The following RPGRIP1 variants were observed in gnomAD, a reference collection of about 807,000 sequenced individuals.
RPGRIP1 encodes the protein X-linked retinitis pigmentosa GTPase regulator-interacting protein 1.
In RPGRIP1, 128 loss-of-function variants were observed where a neutral mutation model predicts 157.9. That is an observed-to-expected ratio of 0.81 (90% CI 0.70 to 0.94). The LOEUF is 0.94. Among genes scored for constraint, RPGRIP1 ranks in the 40% least tolerant of loss-of-function variants. The pLI is 0.00. For synonymous variants in RPGRIP1, 554 were observed against 571.6 expected (o/e 0.97, Z 0.44); for missense variants, 1,486 against 1,545.8 (o/e 0.96, Z 0.65).
intron 24 of RPGRIP1, among the ~76,000 whole-genome samples, chr14:21,349,708 A>C (rs1359263441): frequency 6.6e-6 from 1 of 152,040 alleles, no homozygotes; most frequent in Non-Finnish European, 1.5e-5. Flanking sequence ...CCAGCCATAT[A>C]ATTTCTAAAC....
At position 21,348,169 on chromosome 14, in the gene RPGRIP1, T is replaced by C; in HGVS notation, c.3618-3T>C. ...TGCTGAATTAAATGCAATTTCTTTT[T>C]AGTTTAAAGTTTACAGTGGTAAGTG... On this transcript the variant is annotated splice_region_variant and splice_polypyrimidine_tract_variant and intron_variant, in intron 23 of 24. Transcript: ENST00000400017. 1 of 1,564,862 alleles carries C rather than the reference T, an allele frequency of 6.4e-7. No homozygotes were observed. The highest frequency in any genetic ancestry group is 1.4e-5 in the African/African-American group (1 of 73,188).
At chr14:21,350,957 T>C (rs770129697) in intron 24 of RPGRIP1, 147 bp from the exon 25 acceptor site, 1 of 574,250 alleles carries the variant, frequency 1.7e-6, no homozygotes, top group Admixed American at 3.1e-5. Context: ...CTATACACTA[T>C]ACCATTTTCC....
Position 21,315,785 on chromosome 14 carries a change from G to GTTATTA in RPGRIP1, c.1152-1893_1152-1888dup, listed in dbSNP as rs201944500. Among the ~76,000 whole-genome samples, 9 of 150,350 alleles carry GTTATTA rather than the reference G, an allele frequency of 6.0e-5. No homozygotes were observed. In the East Asian group the frequency reaches 1.6e-3, roughly 26 times the overall value. On this transcript the variant is annotated intron_variant, in intron 10 of 24. Transcript: ENST00000400017. ...GAAATGTTAATACTTGCCTAAGTAG[G>GTTATTA]TTATTATTATTATTATTATTATTTT...
chr14:21,316,946 C>G (rs1056804060), intron 10 of RPGRIP1, among the ~76,000 whole-genome samples: 1 of 151,620 alleles, frequency 6.6e-6, no homozygotes, highest in Non-Finnish European at 1.5e-5. Flanking sequence ...ATTGTAAAAC[C>G]CCGTCTCTAT....
At chr14:21,305,415 G>C (rs896112296) in intron 6 of RPGRIP1, among the ~76,000 whole-genome samples, 2 of 152,178 alleles carry the variant, frequency 1.3e-5, no homozygotes, top group Non-Finnish European at 2.9e-5. Flanking sequence ...AATAACATTC[G>C]ATTGTCTACA....
intron 1 of RPGRIP1, among the ~76,000 whole-genome samples, chr14:21,283,101 C>T (rs937785190): frequency 4.6e-5 from 7 of 152,156 alleles, no homozygotes; most frequent in Non-Finnish European, 8.8e-5. Context: ...ATTGGTGGTG[C>T]GTCAATGTGC....
chr14:21,337,940 C>T (rs1884557623), intron 21 of RPGRIP1, among the ~76,000 whole-genome samples: 1 of 149,542 alleles, frequency 6.7e-6, no homozygotes, highest in Admixed American at 6.7e-5. Context: ...GTTTTGAGAC[C>T]TAGTCTTGCT....
At chr14:21,343,755 G>T (rs1885258412) in intron 22 of RPGRIP1, among the ~76,000 whole-genome samples, 1 of 151,680 alleles carries the variant, frequency 6.6e-6, no homozygotes. Flanking sequence ...GCCTCCCAAA[G>T]TGCTGGGATT....
Position 21,317,752 on chromosome 14 carries a change from C to T in RPGRIP1, c.1208C>T (p.Ala403Val), listed in dbSNP as rs779216995. 13 of 1,593,628 alleles carry T rather than the reference C, an allele frequency of 8.2e-6. No individual in the cohort carries two copies. Among genetic ancestry groups the T allele is most frequent in the African/African-American group, 2.7e-5 (2 of 74,690 alleles). Residue 403 changes from alanine (A) to valine (V), a missense_variant, in exon 11 of 25, where the codon GCG (alanine) becomes GTG (valine). Ala to Val is a moderately conservative substitution (Grantham distance 64). Coordinates refer to ENST00000400017, the MANE Select transcript of RPGRIP1 (RefSeq NM_020366.4). ...CCCCACTGGAGCAACGAGCTCATAG[C>T]GGAACAGCTACAGCAGCAAGTCTCT... ...SQPHWSNELI[A>V]EQLQQQVSQL...
In RPGRIP1 at chr14:21,312,295, T is replaced by C. The variant is rs1200396599; in HGVS notation, c.1078-138T>C. ...GACCTTCAATTGGTTCAAGTCTTTC[T>C]AGTTGGATGGCTTCTCAGACACTGG... On this transcript the variant is annotated intron_variant, in intron 9 of 24. Transcript: ENST00000400017. 6.3e-6 allele frequency: 4 copies of C among 633,696 alleles called. No individual in the cohort carries two copies. The African/African-American group carries it at 7.4e-5, about 12-fold the overall frequency. The allele number at this position is 633,696 out of a possible 1,614,324, so 39.3% of individuals were successfully genotyped here.
intron 2 of RPGRIP1, among the ~76,000 whole-genome samples, chr14:21,289,950 G>A (rs759721350): frequency 1.3e-5 from 2 of 152,004 alleles, no homozygotes; most frequent in Non-Finnish European, 2.9e-5. Context: ...TCTGCCTCCC[G>A]GGTTCAAGTG....
At chr14:21,285,763 A>C (rs1439497441) in intron 1 of RPGRIP1, among the ~76,000 whole-genome samples, 1 of 151,934 alleles carries the variant, frequency 6.6e-6, no homozygotes, top group Non-Finnish European at 1.5e-5. Flanking sequence ...GGCCCTGGAA[A>C]AAAAGTGTAA....
chr14:21,321,114 T>G (rs1882411186), intron 12 of RPGRIP1, 145 bp from the exon 13 acceptor site: 1 of 754,214 alleles, frequency 1.3e-6, no homozygotes, highest in African/African-American at 1.8e-5. Context: ...AGAGCACTTG[T>G]GAAGTCATAC....
At chr14:21,334,406 G>A (rs1216726534) in intron 20 of RPGRIP1, among the ~76,000 whole-genome samples, 199 bp from the exon 21 acceptor site, 1 of 150,822 alleles carries the variant, frequency 6.6e-6, no homozygotes, top group African/African-American at 2.4e-5. Context: ...CTTTTTTTGA[G>A]AAGTGAATCC....
intron 10 of RPGRIP1, among the ~76,000 whole-genome samples, chr14:21,317,327 G>A (rs1881874904): frequency 6.6e-6 from 1 of 152,120 alleles, no homozygotes; most frequent in Non-Finnish European, 1.5e-5. Context: ...GGAGGCATGG[G>A]GTTTGAGAAA....
At chr14:21,312,402 AT>A in intron 9 of RPGRIP1, 30 bp from the exon 10 acceptor site, 1 of 1,528,616 alleles carries the variant, frequency 6.5e-7, no homozygotes, top group Non-Finnish European at 9.0e-7. Flanking sequence ...AGATTTTAAC[AT>A]TTTATCTCAA....
chr14:21,320,067 AAACAGGAAGTAGAGCTCCT>A lies in RPGRIP1; in HGVS notation c.1358_1376del (p.Lys453ThrfsTer47), dbSNP rs1882229572. Reference sequence around the variant, plus strand: ...AGTCACCAACATACTTCAGAAGCATAAACAGGAAGTAGAGCTCCTCCAAAATGCAGCCACAATTTCCCAA... The same window carrying A: ...AGTCACCAACATACTTCAGAAGCATACCAAAATGCAGCCACAATTTCCCAA... On this transcript the variant is annotated frameshift_variant, in exon 12 of 25. Transcript: ENST00000400017. LOFTEE classifies it high-confidence loss of function. 6.2e-7 allele frequency: 1 copy of A among 1,613,590 alleles called. No homozygotes were observed. The highest frequency in any genetic ancestry group is 2.2e-5 in the East Asian group (1 of 44,878).
intron 2 of RPGRIP1, 88 bp from the exon 3 acceptor site, chr14:21,294,589 C>A (rs1458231872): frequency 7.7e-6 from 10 of 1,293,810 alleles, no homozygotes; most frequent in Non-Finnish European, 1.1e-5. Context: ...TAGATTTATG[C>A]TCTCTGGACA....
chr14:21,343,841 T>A (rs1279389907), intron 22 of RPGRIP1, among the ~76,000 whole-genome samples: 2 of 150,132 alleles, frequency 1.3e-5, no homozygotes, highest in Non-Finnish European at 3.0e-5. Flanking sequence ...TTCTGAGTAT[T>A]GATTTTTGTT....
Sources: allele counts gnomAD v4.1 joint callset (sites outside exome capture counted in the v4.1 genomes callset), GRCh38; gene constraint gnomAD v4.1.1; transcripts MANE v1.5; gene names NCBI Gene and HGNC (gene_info 2026-07-23, HGNC 2026-07-21).